Variants in RBFOX1 observed in about 807,000 individuals in gnomAD.
The protein encoded by RBFOX1 is RNA binding protein fox-1 homolog 1.
Under a neutral mutation model 57.7 loss-of-function variants are expected in RBFOX1, and 8 were observed. That is an observed-to-expected ratio of 0.14 (90% CI 0.08 to 0.25). RBFOX1 has a LOEUF of 0.25. RBFOX1 is among the 10% of genes least tolerant of loss of function. RBFOX1 has a pLI of 1.00. For missense variants in RBFOX1, 611 were observed against 548.5 expected (o/e 1.11, Z -1.14); for synonymous variants, 326 against 222.4 (o/e 1.47, Z -4.15).
intron 3 of RBFOX1, among the ~76,000 whole-genome samples, chr16:6,900,103 A>T (rs1314970594): frequency 1.3e-5 from 2 of 152,102 alleles, no homozygotes; most frequent in Non-Finnish European, 2.9e-5. Flanking sequence ...CTGGCACATG[A>T]AACAAAGGTT....
At chr16:5,791,822 T>C (rs2054708564) in intron 3 of RBFOX1, among the ~76,000 whole-genome samples, 3 of 152,170 alleles carry the variant, frequency 2.0e-5, no homozygotes, top group Non-Finnish European at 4.4e-5. Flanking sequence ...GGTTTCCACT[T>C]AAGGCCACTT....
intron 3 of RBFOX1, among the ~76,000 whole-genome samples, chr16:6,742,900 T>C (rs1388676159): frequency 2.0e-5 from 3 of 152,314 alleles, no homozygotes; most frequent in East Asian, 3.9e-4. Context: ...CTGTATTGTA[T>C]TGTGGTGGTA....
At chr16:6,836,971 G>C (rs925444443) in intron 3 of RBFOX1, among the ~76,000 whole-genome samples, 4 of 152,076 alleles carry the variant, frequency 2.6e-5, no homozygotes, top group Non-Finnish European at 5.9e-5. Context: ...TGGCTGGATG[G>C]GTGGATGGAT....
intron 4 of RBFOX1, among the ~76,000 whole-genome samples, chr16:7,067,028 C>A (rs1186059812): frequency 1.3e-5 from 2 of 152,182 alleles, no homozygotes; most frequent in South Asian, 4.1e-4. Context: ...GCACACAGAG[C>A]ATCTACTGTA....
intron 3 of RBFOX1, among the ~76,000 whole-genome samples, chr16:5,759,480 T>C (rs1211934020): frequency 6.6e-6 from 1 of 152,238 alleles, no homozygotes; most frequent in Non-Finnish European, 1.5e-5. Flanking sequence ...TATCAGGGCA[T>C]TCAAATGCAT....
At chr16:6,431,645 G>T (rs752793114) in intron 2 of RBFOX1, among the ~76,000 whole-genome samples, 14 of 152,056 alleles carry the variant, frequency 9.2e-5, no homozygotes, top group Non-Finnish European at 1.9e-4. Context: ...TGAGGTCTTG[G>T]CAGGTATTAC....
chr16:5,901,073 T>A (rs1324217147), intron 4 of RBFOX1, among the ~76,000 whole-genome samples: 3 of 152,150 alleles, frequency 2.0e-5, no homozygotes, highest in African/African-American at 7.2e-5. Flanking sequence ...CAGCCCTTCT[T>A]CACTCTGTGC....
intron 4 of RBFOX1, among the ~76,000 whole-genome samples, chr16:5,902,285 C>A (rs916557606): frequency 6.6e-6 from 1 of 152,116 alleles, no homozygotes; most frequent in Admixed American, 6.6e-5. Flanking sequence ...GCCTAAGAGC[C>A]ACAGTTGACA....
chr16:6,799,711 T>C (rs1187320425), intron 3 of RBFOX1, among the ~76,000 whole-genome samples: 1 of 152,134 alleles, frequency 6.6e-6, no homozygotes, highest in Non-Finnish European at 1.5e-5. Context: ...ACCTTTCGTC[T>C]TTCTCCTGTG....
At chr16:6,914,731 T>G (rs1470220225) in intron 3 of RBFOX1, among the ~76,000 whole-genome samples, 1 of 152,090 alleles carries the variant, frequency 6.6e-6, no homozygotes, top group Non-Finnish European at 1.5e-5. Flanking sequence ...AAAATTAACC[T>G]GGCATGGTGG....
At chr16:6,342,319 A>G (rs1308782277) in intron 2 of RBFOX1, among the ~76,000 whole-genome samples, 3 of 152,192 alleles carry the variant, frequency 2.0e-5, no homozygotes, top group Non-Finnish European at 4.4e-5. Context: ...CATTCTGGCT[A>G]TATTAAACAG....
At chr16:7,365,585 C>T (rs1295501359) in intron 4 of RBFOX1, among the ~76,000 whole-genome samples, 23 of 152,256 alleles carry the variant, frequency 1.5e-4, no homozygotes, top group East Asian at 3.9e-4. Context: ...ATAGAGGCCA[C>T]GGATGTTGCT....
At chr16:6,184,828 A>C (rs1417122296) in intron 1 of RBFOX1, among the ~76,000 whole-genome samples, 1 of 151,970 alleles carries the variant, frequency 6.6e-6, no homozygotes, top group African/African-American at 2.4e-5. Flanking sequence ...CAGCCTTCCA[A>C]AGTGCTGGGA....
intron 2 of RBFOX1, among the ~76,000 whole-genome samples, chr16:5,500,744 G>A (rs2043165931): frequency 1.3e-5 from 2 of 152,182 alleles, no homozygotes; most frequent in South Asian, 4.1e-4. Context: ...TCTTAGTGCA[G>A]CCTCTAATTC....
intron 3 of RBFOX1, among the ~76,000 whole-genome samples, chr16:6,909,635 C>G (rs907813114): frequency 1.3e-5 from 2 of 152,208 alleles, no homozygotes; most frequent in Non-Finnish European, 2.9e-5. Flanking sequence ...TTTACAAAAT[C>G]AGACAAAGAA....
At position 7,394,235 on chromosome 16, in the gene RBFOX1, C is replaced by CAAAAAAA. The variant is rs59934126; in HGVS notation, c.28-123889_28-123883dup. ...TGGGCAACAGAGCAAGACTCCGCAT[C>CAAAAAAA]AAAAAAAAAAAAAAAAAAAAAAAAA... is the stretch of plus-strand genomic sequence containing the variant. On this transcript the variant is annotated intron_variant, in intron 4 of 15. Transcript: ENST00000550418. Among the ~76,000 whole-genome samples the CAAAAAAA allele has an allele frequency of 1.5e-3, 81 of 55,036 alleles. 1 individual carries two copies. The highest frequency in any genetic ancestry group is 4.5e-3 in the African/African-American group (54 of 11,936). 36.1% of individuals were successfully genotyped at this position (55,036 alleles called of 152,430 possible).
At chr16:5,737,518 T>G (rs1393613903) in intron 3 of RBFOX1, among the ~76,000 whole-genome samples, 1 of 139,698 alleles carries the variant, frequency 7.2e-6, no homozygotes, top group Admixed American at 7.7e-5. Flanking sequence ...AACAAAAATA[T>G]TCTGGATTTT....
intron 2 of RBFOX1, among the ~76,000 whole-genome samples, chr16:5,481,853 C>T (rs576710904): frequency 1.3e-5 from 2 of 152,308 alleles, no homozygotes; most frequent in African/African-American, 4.8e-5. Context: ...GGTCTTCCCT[C>T]TGTGTGTCTG....
intron 1 of RBFOX1, among the ~76,000 whole-genome samples, chr16:6,049,205 AG>A (rs1446973627): frequency 6.6e-6 from 1 of 151,956 alleles, no homozygotes; most frequent in Non-Finnish European, 1.5e-5. Flanking sequence ...CTGGGATTAC[AG>A]GTGCCCACCA....
Sources: allele counts gnomAD v4.1 joint callset (sites outside exome capture counted in the v4.1 genomes callset), GRCh38; gene constraint gnomAD v4.1.1; transcripts MANE v1.5; gene names NCBI Gene and HGNC (gene_info 2026-07-23, HGNC 2026-07-21).